The following CACNA1B variants were observed in gnomAD, a reference collection of about 807,000 sequenced individuals.
CACNA1B encodes the protein voltage-dependent N-type calcium channel subunit alpha-1B.
CACNA1B carries 70 observed loss-of-function variants against 247.2 expected under a neutral mutation model. That is an observed-to-expected ratio of 0.28 (90% CI 0.23 to 0.35). CACNA1B has a LOEUF of 0.35. CACNA1B is among the 10% of genes least tolerant of loss of function. The pLI, the probability that CACNA1B is intolerant of heterozygous loss-of-function variation, is 1.00. For missense variants in CACNA1B, 2,367 were observed against 3,197.4 expected, an observed-to-expected ratio of 0.74 and a Z score of 6.26; for synonymous variants, 1,231 against 1,294.4, an observed-to-expected ratio of 0.95 and a Z score of 1.05.
In CACNA1B at chr9:137,919,886, G is replaced by T. The variant is rs151014569; in HGVS notation, c.966+2455G>T. Among the ~76,000 whole-genome samples the T allele has an allele frequency of 9.4e-3, 1,439 of 152,344 alleles. 11 individuals carry two copies. Among genetic ancestry groups the T allele is most frequent in the Middle Eastern group, 0.02 (6 of 294 alleles). The stretch of plus-strand genomic sequence containing the variant: ...AGCTTGAGGAGAAATGGCTTTGTCT[G>T]TGCCTGGAAAAGCAGGCGGAGTCAA... On this transcript the variant is annotated intron_variant, in intron 6 of 46. Coordinates refer to ENST00000371372, the MANE Select transcript of CACNA1B (RefSeq NM_000718.4). The surrounding 1 kb of genome is among the most constrained non-coding windows in gnomAD (Gnocchi z 4.6).
At chr9:137,905,224 G>A (rs571280266) in intron 3 of CACNA1B, among the ~76,000 whole-genome samples, 3 of 151,908 alleles carry the variant, frequency 2.0e-5, no homozygotes, top group Non-Finnish European at 4.4e-5. Flanking sequence ...GTGGTGGCAC[G>A]TGCCTGTAGT....
chr9:137,999,971 A>G (rs1047109473), intron 15 of CACNA1B, among the ~76,000 whole-genome samples: 17 of 152,352 alleles, frequency 1.1e-4, no homozygotes, highest in African/African-American at 3.8e-4. Flanking sequence ...TGATCAAGGG[A>G]AAAAAGCACA....
At chr9:138,002,213 A>G (rs543525118) in intron 15 of CACNA1B, among the ~76,000 whole-genome samples, 34 of 152,356 alleles carry the variant, frequency 2.2e-4, no homozygotes, top group Non-Finnish European at 3.7e-4. Flanking sequence ...CATTCCAAAC[A>G]TATATAGAAA....
rs1014963026 is a variant in CACNA1B, at chr9:138,110,796, C to T, written c.5429-1602C>T. Among the ~76,000 whole-genome samples the T allele has an allele frequency of 4.6e-5, 7 of 152,220 alleles. No individual in the cohort carries two copies. In the South Asian group the frequency reaches 6.2e-4, roughly 14 times the overall value. On this transcript the variant is annotated intron_variant, in intron 39 of 46. Coordinates refer to ENST00000371372, the MANE Select transcript of CACNA1B (RefSeq NM_000718.4). Reference sequence around the variant, plus strand: ...AATTGGAGAACATATTTGCTAAACACGTATCTGCTATAGGATTAGTATTCC... The same window carrying T: ...AATTGGAGAACATATTTGCTAAACATGTATCTGCTATAGGATTAGTATTCC...
chr9:138,061,804 C>T (rs1377363319), intron 31 of CACNA1B, among the ~76,000 whole-genome samples: 1 of 152,198 alleles, frequency 6.6e-6, no homozygotes, highest in Non-Finnish European at 1.5e-5. Context: ...ATCAGCTTAC[C>T]ACTAGGTGGC....
chr9:138,068,712 C>G (rs1459939128), intron 31 of CACNA1B: 2 of 493,882 alleles, frequency 4.0e-6, no homozygotes, highest in Non-Finnish European at 8.1e-6. Flanking sequence ...GTGTGTGCCT[C>G]CTTTCCAAGA....
At chr9:137,988,912 G>C (rs1299193923) in intron 15 of CACNA1B, among the ~76,000 whole-genome samples, 1 of 152,164 alleles carries the variant, frequency 6.6e-6, no homozygotes, top group African/African-American at 2.4e-5. Context: ...TCTGGACCAG[G>C]GTCCTGAGAT....
At chr9:137,924,195 G>A (rs1274024528) in intron 6 of CACNA1B, among the ~76,000 whole-genome samples, 1 of 151,846 alleles carries the variant, frequency 6.6e-6, no homozygotes, top group African/African-American at 2.4e-5. Context: ...CCTGAATCCT[G>A]AAGATTTTCT....
At chr9:138,040,084 C>A (rs1447756434) in intron 20 of CACNA1B, among the ~76,000 whole-genome samples, 1 of 152,114 alleles carries the variant, frequency 6.6e-6, no homozygotes, top group African/African-American at 2.4e-5. Context: ...ACCACAGGCG[C>A]ACACCACCAT....
chr9:137,926,492 A>C (rs977619663), intron 6 of CACNA1B, among the ~76,000 whole-genome samples: 2 of 152,232 alleles, frequency 1.3e-5, no homozygotes, highest in African/African-American at 2.4e-5. Flanking sequence ...TGCCATGAAC[A>C]TGGTTGTATA....
In CACNA1B at chr9:138,072,073, G is replaced by A. The variant is rs770447092; in HGVS notation, c.4675-1415G>A. On this transcript the variant is annotated intron_variant, in intron 32 of 46. Transcript: ENST00000371372. This position sits in a 1 kb window ranked among gnomAD's most constrained non-coding sequence, Gnocchi z 4.5. ...TCTTTCCCTGGCACAAGCAGATTAC[G>A]GAGCTACAGGTACACTTGTGCTGCC... Among the ~76,000 whole-genome samples the A allele has an allele frequency of 3.9e-5, 6 of 152,028 alleles. No individual in the cohort carries two copies. The highest frequency in any genetic ancestry group is 2.1e-4 in the South Asian group (1 of 4,814).
intron 37 of CACNA1B, chr9:138,101,323 C>T: frequency 2.2e-6 from 1 of 446,134 alleles, no homozygotes; most frequent in African/African-American, 2.0e-5. Flanking sequence ...CTGCCCCGCA[C>T]TCCAGCCTCC....
intron 10 of CACNA1B, among the ~76,000 whole-genome samples, chr9:137,969,839 GC>G (rs1958124489): frequency 3.9e-5 from 6 of 152,242 alleles, no homozygotes; most frequent in Admixed American, 3.9e-4. Context: ...CTGTGTGTGT[GC>G]CCCTCCTTAT....
Position 138,024,949 on chromosome 9 carries a change from T to C in CACNA1B, c.3069-6T>C, listed in dbSNP as rs1958902043. ...GCCGAGGCCTGATGTACATTCTTGATTGCAGGGAGCCACACTGTGACCTGG... is the reference window on the plus strand; with the variant it reads ...GCCGAGGCCTGATGTACATTCTTGACTGCAGGGAGCCACACTGTGACCTGG... On this transcript the variant is annotated splice_region_variant and splice_polypyrimidine_tract_variant and intron_variant, in intron 19 of 46. Transcript: ENST00000371372. The C allele has an allele frequency of 6.4e-7, 1 of 1,563,534 alleles. No homozygotes were observed. The highest frequency in any genetic ancestry group is 8.7e-7 in the Non-Finnish European group (1 of 1,152,866).
chr9:138,053,776 TC>T, intron 25 of CACNA1B, 69 bp from the exon 26 acceptor site: 1 of 1,167,466 alleles, frequency 8.6e-7, no homozygotes, highest in Non-Finnish European at 1.2e-6. Flanking sequence ...ACCCTACCCT[TC>T]CCCCTCATGG....
At position 138,078,131 on chromosome 9, in the gene CACNA1B, C is replaced by T; in HGVS notation, c.4967C>T (p.Ala1656Val). ...CTTCTCAGGAGCGCCACGGGGGAGG[C>T]CTGGCACGAGATCATGCTGTCCTGC... ...MLLFRSATGE[A>V]WHEIMLSCLS... Residue 1656 changes from alanine to valine, a missense_variant, in exon 36 of 47, where the codon GCC becomes GTC. Physicochemically the swap from Ala to Val is moderately conservative, Grantham distance 64. Transcript: ENST00000371372. 6.2e-7 allele frequency: 1 copy of T among 1,613,894 alleles called. No individual in the cohort carries two copies. Among genetic ancestry groups the T allele is most frequent in the Non-Finnish European group, 8.5e-7 (1 of 1,179,822 alleles).
intron 15 of CACNA1B, among the ~76,000 whole-genome samples, chr9:137,998,773 A>G (rs1217101734): frequency 2.0e-5 from 3 of 152,244 alleles, no homozygotes; most frequent in Admixed American, 2.0e-4. Flanking sequence ...GACCAAAAAC[A>G]GGCAGAATTA....
intron 39 of CACNA1B, among the ~76,000 whole-genome samples, chr9:138,111,606 A>G (rs574116196): frequency 2.6e-5 from 4 of 152,362 alleles, no homozygotes; most frequent in African/African-American, 9.6e-5. Context: ...TTCATAGAGA[A>G]TGAAAAAGGG....
At chr9:137,937,272 C>A (rs745829842) in intron 6 of CACNA1B, among the ~76,000 whole-genome samples, 2 of 151,958 alleles carry the variant, frequency 1.3e-5, no homozygotes, top group African/African-American at 2.4e-5. Context: ...AATGGATGCA[C>A]TTAGAGAAAT....
Sources: allele counts gnomAD v4.1 joint callset (sites outside exome capture counted in the v4.1 genomes callset), GRCh38; gene constraint gnomAD v4.1.1; non-coding constraint Gnocchi (gnomAD v3.1); transcripts MANE v1.5; gene names NCBI Gene and HGNC (gene_info 2026-07-23, HGNC 2026-07-21).